NOL4L: variants seen among roughly 807,000 people sequenced by gnomAD.
NOL4L encodes the protein nucleolar protein 4 like, also known as nucleolar protein 4-like.
A neutral mutation model predicts 64.5 loss-of-function variants in NOL4L; 7 were observed. The observed-to-expected ratio is 0.11, with a 90% CI of 0.06 to 0.20. The LOEUF is 0.20. Among genes scored for constraint, NOL4L ranks in the 10% least tolerant of loss-of-function variants. The pLI is 1.00. For synonymous variants in NOL4L, 413 were observed against 401.0 expected, an observed-to-expected ratio of 1.03 and a Z score of -0.36; for missense variants, 680 against 967.1, an observed-to-expected ratio of 0.70 and a Z score of 3.94.
intron 2 of NOL4L, among the ~76,000 whole-genome samples, chr20:32,522,801 A>G (rs2017992291): frequency 6.6e-6 from 1 of 152,192 alleles, no homozygotes; most frequent in Non-Finnish European, 1.5e-5. Flanking sequence ...CTCCCCTGAG[A>G]CGTGGCACCC....
rs386393630 is a variant in NOL4L at position 32,447,403 on chromosome 20, CAAAAAAAAAAAAAA to C, written c.*179_*192del. On this transcript the variant is annotated 3_prime_UTR_variant, in exon 11 of 11. Transcript: ENST00000621426. The stretch of plus-strand genomic sequence containing the variant: ...TCAGAGCACCCGTGTGGTGAGATTC[CAAAAAAAAAAAAAA>C]AAAAAAAAAAAAGTGTCCTTGTGCC... 6.6e-5 allele frequency: 10 copies of C among 151,834 alleles called. No homozygotes were observed. The East Asian group carries it at 8.7e-4, about 13-fold the overall frequency. The allele number at this position is 151,834 out of a possible 1,614,324, so 9.4% of individuals were successfully genotyped here. A position where few individuals can be genotyped will look rare whatever the true frequency, so the allele number is the denominator to read the frequency against.
At position 32,447,429 on chromosome 20, in the gene NOL4L, A is replaced by AAAAAAAATT; in HGVS notation, c.*166_*167insAATTTTTTT. 2 of 757,710 alleles carry AAAAAAAATT rather than the reference A, an allele frequency of 2.6e-6. No individual in the cohort carries two copies. Among genetic ancestry groups the AAAAAAAATT allele is most frequent in the Non-Finnish European group, 4.0e-6 (2 of 494,144 alleles). 46.9% of individuals were successfully genotyped at this position (757,710 alleles called of 1,614,324 possible). ...AAAAAAAAAAAAAAAAAAAAAAAAA[A>AAAAAAAATT]GTGTCCTTGTGCCCAAAGTCTCAGG... is the stretch of plus-strand genomic sequence containing the variant. On this transcript the variant is annotated 3_prime_UTR_variant, in exon 11 of 11. Transcript: ENST00000621426.
chr20:32,506,237 G>A (rs1256240235), intron 4 of NOL4L, among the ~76,000 whole-genome samples: 12 of 151,962 alleles, frequency 7.9e-5, no homozygotes, highest in African/African-American at 2.2e-4. Context: ...GGGCTTCCTC[G>A]GAGTCCTGGC....
intron 1 of NOL4L, among the ~76,000 whole-genome samples, chr20:32,539,918 T>G (rs573612753): frequency 1.4e-4 from 21 of 152,276 alleles, no homozygotes; most frequent in African/African-American, 4.3e-4. Context: ...TAACCCCAGA[T>G]AACTGCTCTC....
chr20:32,491,692 A>G (rs1245120958), intron 4 of NOL4L, among the ~76,000 whole-genome samples: 2 of 152,166 alleles, frequency 1.3e-5, no homozygotes, highest in African/African-American at 2.4e-5. Context: ...GGGCATGCAC[A>G]TGCCTCTTTT....
Position 32,453,304 on chromosome 20 carries a change from C to T in NOL4L, c.1497G>A (p.Met499Ile). The change falls in exon 8 of 11, where the codon ATG becomes ATA. Residue 499 changes from methionine (M) to isoleucine (I), a missense_variant and splice_region_variant. Met to Ile is a conservative substitution (Grantham distance 10). Coordinates refer to ENST00000621426, the MANE Select transcript of NOL4L (RefSeq NM_001256798.2). This position sits in a 1 kb window ranked among gnomAD's most constrained non-coding sequence, Gnocchi z 5.6. ...TGTGGGCCAGGCAGGGGGGACTCACCATCTCCATGCCGTTCTTCTTCATGC... is the reference window on the plus strand; with the variant it reads ...TGTGGGCCAGGCAGGGGGGACTCACTATCTCCATGCCGTTCTTCTTCATGC... ...CRRMKKNGME[M>I]TRPTPPHLTS... is the part of the protein sequence containing the mutation. The T allele has an allele frequency of 6.2e-7, 1 of 1,612,536 alleles. No individual in the cohort carries two copies. Among genetic ancestry groups the T allele is most frequent in the Non-Finnish European group, 8.5e-7 (1 of 1,178,802 alleles).
chr20:32,541,008 T>TACACACACACACACACACACAC (rs10675320), intron 1 of NOL4L, among the ~76,000 whole-genome samples: 4 of 133,516 alleles, frequency 3.0e-5, no homozygotes, highest in Non-Finnish European at 4.8e-5. Context: ...CGCCACCCCC[T>TACACACACACACACACACACAC]ACACACACAC....
intron 1 of NOL4L, among the ~76,000 whole-genome samples, chr20:32,562,844 C>T (rs1379073733): frequency 1.3e-5 from 2 of 148,300 alleles, no homozygotes; most frequent in African/African-American, 2.5e-5. Flanking sequence ...ACAGCCCTTC[C>T]ACCACGCTGT....
chr20:32,470,925 C>T (rs535576323), intron 5 of NOL4L, among the ~76,000 whole-genome samples: 39 of 152,370 alleles, frequency 2.6e-4, no homozygotes, highest in African/African-American at 7.2e-4. Context: ...AAGTCTCTCC[C>T]TGATCCTAAG....
chr20:32,561,972 G>A (rs376012961), intron 1 of NOL4L, among the ~76,000 whole-genome samples: 1 of 152,126 alleles, frequency 6.6e-6, no homozygotes, highest in East Asian at 1.9e-4. Flanking sequence ...CTGGGTGACA[G>A]AGTGAGACTC....
At chr20:32,459,144 G>T (rs1415310412) in intron 5 of NOL4L, among the ~76,000 whole-genome samples, 1 of 152,228 alleles carries the variant, frequency 6.6e-6, no homozygotes, top group African/African-American at 2.4e-5. Flanking sequence ...CAGGTGCTAG[G>T]ACCTCGTATG....
At chr20:32,479,957 C>T (rs1364559031) in intron 4 of NOL4L, among the ~76,000 whole-genome samples, 1 of 152,210 alleles carries the variant, frequency 6.6e-6, no homozygotes, top group African/African-American at 2.4e-5. Context: ...CACCCAGCTT[C>T]TGAGGCCCTT....
At chr20:32,527,608 G>T (rs1156625947) in intron 2 of NOL4L, 150 bp downstream of exon 2, 2 of 826,078 alleles carry the variant, frequency 2.4e-6, no homozygotes, top group Non-Finnish European at 3.6e-6. Flanking sequence ...TGGCTGCCGT[G>T]CCCTTGCCCT....
intron 4 of NOL4L, among the ~76,000 whole-genome samples, chr20:32,506,146 A>C (rs1829494112): frequency 6.6e-6 from 1 of 152,126 alleles, no homozygotes; most frequent in African/African-American, 2.4e-5. Context: ...AAGCCTGAGA[A>C]AGTTCCTGCT....
In NOL4L at chr20:32,460,297, G is replaced by A. The variant is rs2013922801; in HGVS notation, c.842-3902C>T. 1.3e-5 allele frequency among the ~76,000 whole-genome samples: 2 copies of A among 152,152 alleles called. No homozygotes were observed. Among genetic ancestry groups the A allele is most frequent in the South Asian group, 4.1e-4 (2 of 4,830 alleles). The stretch of plus-strand genomic sequence containing the variant: ...CTCATTTTCTCATGCCGCACACACA[G>A]AGCCTACTCAGAGGGACAACATGGA... On this transcript the variant is annotated intron_variant, in intron 5 of 10. Coordinates refer to ENST00000621426, the MANE Select transcript of NOL4L (RefSeq NM_001256798.2). This position sits in a 1 kb window ranked among gnomAD's most constrained non-coding sequence, Gnocchi z 5.7.
chr20:32,504,522 T>C (rs1378498703), intron 4 of NOL4L, among the ~76,000 whole-genome samples: 3 of 147,078 alleles, frequency 2.0e-5, no homozygotes, highest in Admixed American at 1.4e-4. Flanking sequence ...ATCGTGCCAC[T>C]GCACTCCAGC....
In NOL4L at chr20:32,453,040, G is replaced by A; in HGVS notation, c.1498-34C>T. 1 of 1,609,534 alleles carries A rather than the reference G, an allele frequency of 6.2e-7. No homozygotes were observed. ...AGAACGGGGATGGAGCTAGCATGGGGCCCGTGGGGGCCCTGGGCTTGTGCA... is the reference window on the plus strand; with the variant it reads ...AGAACGGGGATGGAGCTAGCATGGGACCCGTGGGGGCCCTGGGCTTGTGCA... On this transcript the variant is annotated intron_variant, in intron 8 of 10. Coordinates refer to ENST00000621426, the MANE Select transcript of NOL4L (RefSeq NM_001256798.2). This position sits in a 1 kb window ranked among gnomAD's most constrained non-coding sequence, Gnocchi z 5.6.
chr20:32,527,681 G>A, intron 2 of NOL4L, 77 bp downstream of exon 2: 1 of 1,463,870 alleles, frequency 6.8e-7, no homozygotes, highest in Non-Finnish European at 9.1e-7. Context: ...CGCCCCCCAA[G>A]CCCAACATGT....
At chr20:32,541,717 G>A (rs370222730) in intron 1 of NOL4L, among the ~76,000 whole-genome samples, 7 of 152,378 alleles carry the variant, frequency 4.6e-5, no homozygotes, top group Middle Eastern at 3.4e-3. Flanking sequence ...CTGTCTGCCC[G>A]CGGCACCCGC....
Sources: gnomAD v4.1 joint callset for allele counts (sites outside exome capture counted in the v4.1 genomes callset) on GRCh38, gnomAD v4.1.1 for gene constraint, Gnocchi (gnomAD v3.1) non-coding constraint, MANE v1.5 for transcripts, NCBI Gene and HGNC (gene_info 2026-07-23, HGNC 2026-07-21) for gene names.